The following PDE5A variants were observed in gnomAD, a reference collection of about 807,000 sequenced individuals.
The protein encoded by PDE5A is cGMP-specific 3',5'-cyclic phosphodiesterase.
A neutral mutation model predicts 110.2 loss-of-function variants in PDE5A; 67 were observed. The observed-to-expected ratio is 0.61, with a 90% CI of 0.50 to 0.75. PDE5A has a LOEUF of 0.75. PDE5A is among the 30% of genes least tolerant of loss of function. The probability of loss-of-function intolerance (pLI) is 0.00; values close to 1 mark genes in which losing one functional copy is unlikely to be tolerated. For missense variants in PDE5A, 862 were observed against 1,045.1 expected (o/e 0.82, Z 2.42); for synonymous variants, 328 against 351.2 (o/e 0.93, Z 0.74).
intron 3 of PDE5A, 48 bp from the exon 4 acceptor site, chr4:119,567,192 C>T (rs777395405): frequency 7.3e-7 from 1 of 1,367,250 alleles, no homozygotes; most frequent in South Asian, 1.2e-5. Context: ...ACTGAAATTA[C>T]TTGTAAAAAT....
Position 119,532,635 on chromosome 4 carries a change from C to A in PDE5A, c.1632+6325G>T, listed in dbSNP as rs139090855. ...AATACATTTATAAAATGTATGGTCTCCTTGAAGACCATAAAGCATGTGTTT... is the reference window on the plus strand; with the variant it reads ...AATACATTTATAAAATGTATGGTCTACTTGAAGACCATAAAGCATGTGTTT... On this transcript the variant is annotated intron_variant, in intron 11 of 20. Coordinates refer to ENST00000354960, the MANE Select transcript of PDE5A (RefSeq NM_001083.4). Among the ~76,000 whole-genome samples, 1,173 of 152,096 alleles carry A rather than the reference C, an allele frequency of 7.7e-3. 19 individuals are homozygous for A. The highest frequency in any genetic ancestry group is 0.027 in the African/African-American group (1,112 of 41,528).
intron 5 of PDE5A, among the ~76,000 whole-genome samples, chr4:119,563,288 G>A (rs1175670578): frequency 6.6e-6 from 1 of 152,106 alleles, no homozygotes. Flanking sequence ...AGGGCTGTTA[G>A]GAGGATTAAG....
In PDE5A at chr4:119,607,187, C is replaced by A; in HGVS notation, c.263G>T (p.Arg88Leu). The change falls in exon 2 of 21, where the codon CGT becomes CTT. Residue 88 changes from arginine (R) to leucine (L), a missense_variant. Physicochemically the swap from Arg to Leu is moderately radical, Grantham distance 102 (BLOSUM62 -2). Transcript: ENST00000354960. ...TGTTCCAGGGGCACTGTTATCTGCA[C>A]GAGGACTCTGCTGCAAGGGACAAGA... ...SCSCPLQQSPRADNSAPGTPT... is the reference protein window; with the variant it reads ...SCSCPLQQSPLADNSAPGTPT... The A allele has an allele frequency of 6.2e-7, 1 of 1,614,068 alleles. No individual in the cohort carries two copies. Among genetic ancestry groups the A allele is most frequent in the African/African-American group, 1.3e-5 (1 of 75,024 alleles).
intron 1 of PDE5A, among the ~76,000 whole-genome samples, 188 bp downstream of exon 1, chr4:119,628,332 G>A (rs887921394): frequency 2.3e-5 from 1 of 42,718 alleles, no homozygotes; most frequent in Non-Finnish European, 6.3e-5. Flanking sequence ...TGAACTTTGT[G>A]AGCAAGTTGT....
chr4:119,594,461 T>C (rs1421078337), intron 3 of PDE5A, among the ~76,000 whole-genome samples: 1 of 126,828 alleles, frequency 7.9e-6, no homozygotes, highest in Non-Finnish European at 1.7e-5. Context: ...CTGTGGTTTA[T>C]AACTAGGCCT....
At chr4:119,623,723 G>A (rs527374058) in intron 1 of PDE5A, among the ~76,000 whole-genome samples, 1 of 152,242 alleles carries the variant, frequency 6.6e-6, no homozygotes, top group African/African-American at 2.4e-5. Flanking sequence ...TCCTCATCTT[G>A]AGGTGTTGAG....
intron 3 of PDE5A, 36 bp downstream of exon 3, chr4:119,596,487 T>G: frequency 1.7e-6 from 2 of 1,174,056 alleles, no homozygotes; most frequent in Non-Finnish European, 2.4e-6. Flanking sequence ...GAAAAATATT[T>G]CCAATGACCT....
At chr4:119,621,940 G>A (rs1228699819) in intron 1 of PDE5A, among the ~76,000 whole-genome samples, 1 of 152,106 alleles carries the variant, frequency 6.6e-6, no homozygotes, top group Non-Finnish European at 1.5e-5. Flanking sequence ...GGAGGCCGAG[G>A]CGGGGGGATC....
intron 2 of PDE5A, among the ~76,000 whole-genome samples, chr4:119,601,262 G>A (rs1038988889): frequency 4.6e-5 from 7 of 152,146 alleles, no homozygotes; most frequent in Non-Finnish European, 5.9e-5. Flanking sequence ...GGAGAGGGGA[G>A]ACTGGCTGGA....
chr4:119,608,771 A>C (rs1729631207), intron 1 of PDE5A, among the ~76,000 whole-genome samples: 1 of 152,216 alleles, frequency 6.6e-6, no homozygotes, highest in Non-Finnish European at 1.5e-5. Context: ...TGTTTATACC[A>C]AACAAAAGTC....
At chr4:119,511,265 C>A in intron 14 of PDE5A, 131 bp from the exon 15 acceptor site, 2 of 599,374 alleles carry the variant, frequency 3.3e-6, no homozygotes, top group South Asian at 4.5e-5. Flanking sequence ...AATTTTCTCT[C>A]CTTTTACTGA....
At chr4:119,518,549 C>A (rs1372461520) in intron 14 of PDE5A, among the ~76,000 whole-genome samples, 1 of 152,196 alleles carries the variant, frequency 6.6e-6, no homozygotes, top group Non-Finnish European at 1.5e-5. Flanking sequence ...TCTTTTACAA[C>A]TATTATCTCC....
intron 14 of PDE5A, among the ~76,000 whole-genome samples, chr4:119,516,584 C>A (rs1267959126): frequency 6.6e-6 from 1 of 152,096 alleles, no homozygotes; most frequent in Non-Finnish European, 1.5e-5. Flanking sequence ...CCTATTACTG[C>A]CTATTTTTAA....
intron 11 of PDE5A, among the ~76,000 whole-genome samples, chr4:119,536,715 G>A (rs1726737257): frequency 6.6e-6 from 1 of 152,120 alleles, no homozygotes; most frequent in African/African-American, 2.4e-5. Flanking sequence ...AACTGAAAAT[G>A]TTTACAAGTC....
intron 1 of PDE5A, among the ~76,000 whole-genome samples, chr4:119,620,743 T>C (rs1365237806): frequency 6.6e-6 from 1 of 152,232 alleles, no homozygotes; most frequent in Non-Finnish European, 1.5e-5. Flanking sequence ...ACCATCTTAT[T>C]ACCAACTACT....
At chr4:119,618,757 T>A (rs1730032491) in intron 1 of PDE5A, among the ~76,000 whole-genome samples, 1 of 152,092 alleles carries the variant, frequency 6.6e-6, no homozygotes, top group South Asian at 2.1e-4. Context: ...TACTTCATAA[T>A]TCTAAACTGG....
intron 11 of PDE5A, among the ~76,000 whole-genome samples, chr4:119,535,669 T>C (rs1726702629): frequency 6.6e-6 from 1 of 152,070 alleles, no homozygotes; most frequent in African/African-American, 2.4e-5. Context: ...ACACCCAATT[T>C]TAAGCCAAGA....
In PDE5A at chr4:119,565,928, AATT is replaced by A. The variant is rs1198752144; in HGVS notation, c.904-521_904-519del. On this transcript the variant is annotated intron_variant, in intron 4 of 20. Coordinates refer to ENST00000354960, the MANE Select transcript of PDE5A (RefSeq NM_001083.4). ...AGGGTAATGTGTTTCTAATTATATT[AATT>A]ATTGATTGACTATTAATTATTATTA... 4.0e-5 allele frequency among the ~76,000 whole-genome samples: 6 copies of A among 148,506 alleles called. No homozygotes were observed. The Admixed American group carries it at 4.1e-4, about 10-fold the overall frequency.
At position 119,501,186 on chromosome 4, in the gene PDE5A, C is replaced by G; in HGVS notation, c.2474G>C (p.Cys825Ser). The change falls in exon 20 of 21, where the codon TGC becomes TCC. Residue 825 changes from cysteine to serine, a missense_variant. Coordinates refer to ENST00000354960, the MANE Select transcript of PDE5A (RefSeq NM_001083.4). ...SMQVGFIDAI[C>S]LQLYEALTHV... ...TATAAATACCTCATACAGTTGCAAG[C>G]AGATGGCATCTATGAACCCAACTTG... 6.2e-7 allele frequency: 1 copy of G among 1,607,946 alleles called. No individual in the cohort carries two copies. Among genetic ancestry groups the G allele is most frequent in the Non-Finnish European group, 8.5e-7 (1 of 1,174,590 alleles).
Sources: gnomAD v4.1 joint callset for allele counts (sites outside exome capture counted in the v4.1 genomes callset) on GRCh38, gnomAD v4.1.1 for gene constraint, MANE v1.5 for transcripts, NCBI Gene and HGNC (gene_info 2026-07-23, HGNC 2026-07-21) for gene names.